AK8: variants seen among roughly 807,000 people sequenced by gnomAD.
AK8 encodes adenylate kinase 8.
In AK8, 44 loss-of-function variants were observed where a neutral mutation model predicts 54.6. The ratio of observed to expected loss-of-function variants is 0.81; its 90% CI spans 0.63 to 1.04. The LOEUF is 1.04. Ranked by LOEUF, AK8 falls within the 50% of genes least tolerant of loss-of-function variation. The probability of loss-of-function intolerance (pLI) is 0.00; values close to 1 mark genes in which losing one functional copy is unlikely to be tolerated. For synonymous variants in AK8, 239 were observed against 245.6 expected, an observed-to-expected ratio of 0.97 and a Z score of 0.25; for missense variants, 555 against 613.6, an observed-to-expected ratio of 0.90 and a Z score of 1.01.
chr9:132,792,489 G>T, intron 11 of AK8, 145 bp downstream of exon 11: 1 of 1,210,002 alleles, frequency 8.3e-7, no homozygotes, highest in Non-Finnish European at 1.1e-6. Context: ...GGGCAGATGG[G>T]ATGGGTGGGA....
intron 9 of AK8, among the ~76,000 whole-genome samples, chr9:132,818,298 T>C (rs1841421233): frequency 6.6e-6 from 1 of 152,306 alleles, no homozygotes; most frequent in South Asian, 2.1e-4. Context: ...GATAGGTGGG[T>C]ACATATAAAA....
chr9:132,764,454 C>A (rs1838632921), intron 11 of AK8, among the ~76,000 whole-genome samples: 1 of 151,144 alleles, frequency 6.6e-6, no homozygotes, highest in African/African-American at 2.4e-5. Flanking sequence ...CAGAAAAGAC[C>A]CAAATAAATC....
intron 10 of AK8, among the ~76,000 whole-genome samples, chr9:132,798,288 G>A (rs766985222): frequency 1.4e-4 from 22 of 152,148 alleles, no homozygotes; most frequent in African/African-American, 3.1e-4. Context: ...TCTGAGGCTC[G>A]GTGTCTGTTT....
chr9:132,771,160 T>G lies in AK8; in HGVS notation c.1121+21474A>C, dbSNP rs182196200. On this transcript the variant is annotated intron_variant, in intron 11 of 12. Transcript: ENST00000298545. ...GATGAGGGCAAGACACTCAGCCTCTTGGAGCCTCAGTTTCCTCAGCTGAAA... is the reference window on the plus strand; with the variant it reads ...GATGAGGGCAAGACACTCAGCCTCTGGGAGCCTCAGTTTCCTCAGCTGAAA... Among the ~76,000 whole-genome samples the G allele has an allele frequency of 1.3e-3, 201 of 152,310 alleles. 1 individual carries two copies. Among genetic ancestry groups the G allele is most frequent in the Non-Finnish European group, 6.2e-4 (42 of 68,006 alleles).
chr9:132,770,146 G>C lies in AK8; in HGVS notation c.1121+22488C>G, dbSNP rs1031465978. 13 of 152,308 alleles carry C rather than the reference G, an allele frequency of 8.5e-5. No homozygotes were observed. The highest frequency in any genetic ancestry group is 2.9e-4 in the African/African-American group (12 of 41,462). The allele number at this position is 152,308 out of a possible 1,614,324, so 9.4% of individuals were successfully genotyped here. ...CCCACCCATCGTGGGGACCGGGCTAGGGAGGGAAACGGAACCAGGGGAAGG... is the reference window on the plus strand; with the variant it reads ...CCCACCCATCGTGGGGACCGGGCTACGGAGGGAAACGGAACCAGGGGAAGG... On this transcript the variant is annotated intron_variant, in intron 11 of 12. Transcript: ENST00000298545. The surrounding 1 kb of genome is among the most constrained non-coding windows in gnomAD (Gnocchi z 4.3).
upstream of AK8, chr9:132,878,813 C>T (rs1201566806): frequency 2.0e-6 from 2 of 979,928 alleles, no homozygotes; most frequent in African/African-American, 3.5e-5. The surrounding 1 kb of genome is among the most constrained non-coding windows in gnomAD (Gnocchi z 4.7). Flanking sequence ...CTGGCCAAGC[C>T]GCCAAGTGAC....
chr9:132,864,079 G>C (rs1843496146), intron 3 of AK8, among the ~76,000 whole-genome samples: 1 of 152,174 alleles, frequency 6.6e-6, no homozygotes, highest in South Asian at 2.1e-4. Flanking sequence ...TGTGGACCAT[G>C]AGTTTCATCT....
intron 11 of AK8, 92 bp downstream of exon 11, chr9:132,792,542 G>T: frequency 6.9e-7 from 1 of 1,448,888 alleles, no homozygotes. Flanking sequence ...AACACGTGAA[G>T]GCTTGTGTAA....
chr9:132,855,243 G>A (rs573545628), intron 4 of AK8, among the ~76,000 whole-genome samples: 23 of 152,278 alleles, frequency 1.5e-4, no homozygotes, highest in East Asian at 1.4e-3. Flanking sequence ...AAGCCCTGCC[G>A]GATCCTCCCA....
At chr9:132,764,967 A>G (rs1838655427) in intron 11 of AK8, among the ~76,000 whole-genome samples, 1 of 152,200 alleles carries the variant, frequency 6.6e-6, no homozygotes, top group Non-Finnish European at 1.5e-5. Flanking sequence ...TCGACAAAAT[A>G]CTAACAAACT....
chr9:132,873,211 G>A (rs1410600566), intron 2 of AK8, among the ~76,000 whole-genome samples: 1 of 152,212 alleles, frequency 6.6e-6, no homozygotes, highest in Admixed American at 6.5e-5. Context: ...TTTTACTAGT[G>A]GAAACTAGAC....
intron 10 of AK8, among the ~76,000 whole-genome samples, chr9:132,801,990 G>A (rs1840480459): frequency 6.6e-6 from 1 of 152,204 alleles, no homozygotes; most frequent in South Asian, 2.1e-4. Flanking sequence ...GTGACGATGA[G>A]GACTAGAGGC....
At chr9:132,830,293 T>A (rs1226560283) in intron 5 of AK8, among the ~76,000 whole-genome samples, 1 of 152,212 alleles carries the variant, frequency 6.6e-6, no homozygotes, top group Non-Finnish European at 1.5e-5. Flanking sequence ...CTATCAAACA[T>A]CCTCAGATAA....
chr9:132,821,463 G>A (rs1333772004), intron 9 of AK8, among the ~76,000 whole-genome samples: 2 of 152,016 alleles, frequency 1.3e-5, no homozygotes, highest in African/African-American at 4.8e-5. Context: ...TTTTAAAAAC[G>A]GACTCAGGAA....
At chr9:132,847,272 C>T (rs959887470) in intron 5 of AK8, among the ~76,000 whole-genome samples, 3 of 152,218 alleles carry the variant, frequency 2.0e-5, no homozygotes, top group South Asian at 2.1e-4. Flanking sequence ...TACCACCAGG[C>T]GTGGGGAAGT....
At chr9:132,783,146 G>A (rs566074329) in intron 11 of AK8, among the ~76,000 whole-genome samples, 1 of 152,286 alleles carries the variant, frequency 6.6e-6, no homozygotes, top group East Asian at 1.9e-4. Flanking sequence ...CTAATCACAT[G>A]GCTCCTTAAA....
At chr9:132,855,435 G>A (rs1240056093) in intron 4 of AK8, among the ~76,000 whole-genome samples, 2 of 152,188 alleles carry the variant, frequency 1.3e-5, no homozygotes, top group Non-Finnish European at 2.9e-5. Flanking sequence ...CGGGTGGGAG[G>A]GGATTGGCTC....
At chr9:132,758,423 G>C in intron 11 of AK8, among the ~76,000 whole-genome samples, 1 of 151,992 alleles carries the variant, frequency 6.6e-6, no homozygotes, top group East Asian at 1.9e-4. Flanking sequence ...ATTTAAATTC[G>C]TATTTTCCAT....
chr9:132,759,844 AG>A (rs1165511526), intron 11 of AK8, among the ~76,000 whole-genome samples: 4 of 152,338 alleles, frequency 2.6e-5, no homozygotes, highest in Admixed American at 6.5e-5. Flanking sequence ...GATATTTGAG[AG>A]GGCAAGTCCT....
Sources: gnomAD v4.1 joint callset for allele counts (sites outside exome capture counted in the v4.1 genomes callset) on GRCh38, gnomAD v4.1.1 for gene constraint, Gnocchi (gnomAD v3.1) non-coding constraint, MANE v1.5 for transcripts, NCBI Gene and HGNC (gene_info 2026-07-23, HGNC 2026-07-21) for gene names.